CSGALNACT1: variants seen among roughly 807,000 people sequenced by gnomAD.
CSGALNACT1 encodes beta4GalNAcT-1.
A neutral mutation model predicts 51.0 loss-of-function variants in CSGALNACT1; 52 were observed. The observed-to-expected ratio is 1.02, with a 90% CI of 0.82 to 1.29. The LOEUF (loss-of-function observed/expected upper bound fraction) is 1.29. CSGALNACT1 is among the 50% of genes most tolerant of loss of function. The pLI, the probability that CSGALNACT1 is intolerant of heterozygous loss-of-function variation, is 0.00. For synonymous variants in CSGALNACT1, 341 were observed against 254.4 expected (o/e 1.34, Z -3.24); for missense variants, 935 against 679.2 (o/e 1.38, Z -4.19).
chr8:19,534,112 G>C (rs1388177795), intron 3 of CSGALNACT1, among the ~76,000 whole-genome samples: 11 of 152,110 alleles, frequency 7.2e-5, no homozygotes, highest in Admixed American at 7.2e-4. Context: ...TATAAAGTTT[G>C]AAAGAATACT....
upstream of CSGALNACT1, among the ~76,000 whole-genome samples, chr8:19,685,965 C>A (rs1007803450): frequency 5.9e-5 from 9 of 152,220 alleles, no homozygotes; most frequent in African/African-American, 2.2e-4. Flanking sequence ...TCTACCCATA[C>A]TCATGTATCG....
At chr8:19,525,273 C>A (rs1488553576) in intron 3 of CSGALNACT1, among the ~76,000 whole-genome samples, 2 of 152,052 alleles carry the variant, frequency 1.3e-5, no homozygotes, top group Non-Finnish European at 2.9e-5. Flanking sequence ...TGGGAGGCAT[C>A]ATTACTGCCT....
intron 3 of CSGALNACT1, among the ~76,000 whole-genome samples, chr8:19,509,407 G>T (rs755184571): frequency 3.3e-5 from 5 of 151,932 alleles, no homozygotes; most frequent in Non-Finnish European, 5.9e-5. Flanking sequence ...ATCATTTAAG[G>T]TCAGGAGTTC....
chr8:19,442,043 G>A (rs1043215785), intron 5 of CSGALNACT1, among the ~76,000 whole-genome samples: 3 of 152,152 alleles, frequency 2.0e-5, no homozygotes, highest in African/African-American at 7.2e-5. Context: ...AGTTAGAATG[G>A]TGATCATTAA....
At chr8:19,469,740 C>A (rs1213210243) in intron 4 of CSGALNACT1, among the ~76,000 whole-genome samples, 1 of 152,218 alleles carries the variant, frequency 6.6e-6, no homozygotes, top group East Asian at 1.9e-4. Context: ...AAGCCCCCCA[C>A]CATCCCACAG....
intron 1 of CSGALNACT1, among the ~76,000 whole-genome samples, chr8:19,756,715 G>C (rs1226796247): frequency 2.0e-5 from 3 of 151,888 alleles, no homozygotes; most frequent in African/African-American, 7.3e-5. Context: ...GCTGCCCACC[G>C]GCCACCCTCG....
intron 4 of CSGALNACT1, among the ~76,000 whole-genome samples, chr8:19,495,374 T>C (rs974117601): frequency 2.0e-5 from 3 of 152,200 alleles, no homozygotes; most frequent in Admixed American, 6.5e-5. Flanking sequence ...TCTGTTGTGG[T>C]GAAGTCCTCA....
intron 4 of CSGALNACT1, among the ~76,000 whole-genome samples, chr8:19,477,571 G>A (rs1586841241): frequency 6.6e-6 from 1 of 152,128 alleles, no homozygotes; most frequent in African/African-American, 2.4e-5. Context: ...TGGTTAACTT[G>A]GGAGACATAA....
chr8:19,715,622 T>C (rs73202509), intron 1 of CSGALNACT1, among the ~76,000 whole-genome samples: 4,961 of 152,334 alleles, frequency 0.033, 117 homozygotes, highest in African/African-American at 0.063. Context: ...TAGAACGATT[T>C]TATCTTTTTC....
At chr8:19,562,440 AG>A (rs1267420038) in intron 3 of CSGALNACT1, among the ~76,000 whole-genome samples, 2 of 152,074 alleles carry the variant, frequency 1.3e-5, no homozygotes, top group African/African-American at 4.8e-5. Context: ...TTTCATCAAA[AG>A]CAAAAACTGA....
Position 19,473,292 on chromosome 8 carries a change from A to T in CSGALNACT1, c.635-14650T>A, listed in dbSNP as rs188138706. 1.2e-3 allele frequency among the ~76,000 whole-genome samples: 178 copies of T among 152,324 alleles called. 1 individual carries two copies. The highest frequency in any genetic ancestry group is 3.4e-3 in the Middle Eastern group (1 of 292). ...TTGAAAAACCCATTTCTAATGCATA[A>T]TATCAACTGAAAATTTCAAATGATT... On this transcript the variant is annotated intron_variant, in intron 4 of 9. Transcript: ENST00000454498.
At chr8:19,507,804 A>AT (rs1167536791) in intron 3 of CSGALNACT1, among the ~76,000 whole-genome samples, 1 of 152,008 alleles carries the variant, frequency 6.6e-6, no homozygotes, top group Non-Finnish European at 1.5e-5. Context: ...ATGTTTTTGT[A>AT]TTTTAGTAGA....
chr8:19,746,571 T>C (rs2064677736), intron 1 of CSGALNACT1, among the ~76,000 whole-genome samples: 1 of 152,230 alleles, frequency 6.6e-6, no homozygotes, highest in Non-Finnish European at 1.5e-5. Context: ...ATAGTACAGG[T>C]CATCTCAAAC....
intron 3 of CSGALNACT1, among the ~76,000 whole-genome samples, chr8:19,513,623 G>C (rs1015675246): frequency 6.6e-6 from 1 of 151,914 alleles, no homozygotes; most frequent in Non-Finnish European, 1.5e-5. Context: ...TCTGAGAGAT[G>C]CATCATCAGG....
At chr8:19,601,547 T>C (rs2050424733) in intron 2 of CSGALNACT1, among the ~76,000 whole-genome samples, 1 of 152,236 alleles carries the variant, frequency 6.6e-6, no homozygotes, top group Non-Finnish European at 1.5e-5. Flanking sequence ...AAGTTAGATG[T>C]AGATGTAGAT....
chr8:19,472,059 G>T (rs985725110), intron 4 of CSGALNACT1, among the ~76,000 whole-genome samples: 2 of 152,192 alleles, frequency 1.3e-5, no homozygotes. Context: ...GACACCAAGG[G>T]TTAGAAATTA....
At chr8:19,670,405 C>T (rs73214701) in intron 1 of CSGALNACT1, among the ~76,000 whole-genome samples, 1,826 of 152,164 alleles carry the variant, frequency 0.012, 20 homozygotes, top group Non-Finnish European at 0.018. Flanking sequence ...CAAGTTATAT[C>T]CTGAACATTT....
At chr8:19,750,510 C>A (rs1297880653) in intron 1 of CSGALNACT1, among the ~76,000 whole-genome samples, 3 of 152,196 alleles carry the variant, frequency 2.0e-5, no homozygotes, top group African/African-American at 7.2e-5. Context: ...CCTACTACTT[C>A]CTGGTGGCTC....
intron 5 of CSGALNACT1, among the ~76,000 whole-genome samples, chr8:19,447,479 G>A (rs2062341619): frequency 6.6e-6 from 1 of 152,156 alleles, no homozygotes; most frequent in Non-Finnish European, 1.5e-5. Flanking sequence ...TGTACCCTTA[G>A]GGTGATAACT....
Sources: allele counts gnomAD v4.1 joint callset (sites outside exome capture counted in the v4.1 genomes callset), GRCh38; gene constraint gnomAD v4.1.1; transcripts MANE v1.5; gene names NCBI Gene and HGNC (gene_info 2026-07-23, HGNC 2026-07-21).